Variants in NBEA observed in about 807,000 individuals in gnomAD.
NBEA encodes neurobeachin.
NBEA carries 44 observed loss-of-function variants against 343.4 expected under a neutral mutation model. That is an observed-to-expected ratio of 0.13 (90% CI 0.10 to 0.16). The LOEUF is 0.16. NBEA is among the 10% of genes least tolerant of loss of function. The probability of loss-of-function intolerance (pLI) is 1.00; values close to 1 mark genes in which losing one functional copy is unlikely to be tolerated. For missense variants in NBEA, 2,555 were observed against 3,631.3 expected, an observed-to-expected ratio of 0.70 and a Z score of 7.62; for synonymous variants, 1,175 against 1,238.7, an observed-to-expected ratio of 0.95 and a Z score of 1.08.
At chr13:35,224,723 C>T (rs952459739) in intron 33 of NBEA, among the ~76,000 whole-genome samples, 1 of 151,962 alleles carries the variant, frequency 6.6e-6, no homozygotes, top group Non-Finnish European at 1.5e-5. Flanking sequence ...TTTATAGTTC[C>T]AACATAGGGT....
At chr13:35,254,987 G>A (rs191106525) in intron 34 of NBEA, among the ~76,000 whole-genome samples, 48 of 152,128 alleles carry the variant, frequency 3.2e-4, no homozygotes, top group Admixed American at 1.4e-3. Context: ...AATACAATAA[G>A]ATTAGTTTCT....
At chr13:35,612,412 G>A (rs1027389311) in intron 48 of NBEA, among the ~76,000 whole-genome samples, 1 of 152,104 alleles carries the variant, frequency 6.6e-6, no homozygotes, top group African/African-American at 2.4e-5. Context: ...GATTACAGGC[G>A]TGAGCCACGG....
chr13:35,510,275 TTAAA>T (rs1432372486), intron 41 of NBEA, among the ~76,000 whole-genome samples: 1 of 152,156 alleles, frequency 6.6e-6, no homozygotes, highest in African/African-American at 2.4e-5. Flanking sequence ...TATTCACAAC[TTAAA>T]TAAGTTTAAG....
rs149256441 is a variant in NBEA, at chr13:35,635,685, T to C, written c.7617+7437T>C. Among the ~76,000 whole-genome samples the C allele has an allele frequency of 2.0e-5, 3 of 152,328 alleles. No individual in the cohort carries two copies. In the East Asian group the frequency reaches 5.8e-4, roughly 29 times the overall value. On this transcript the variant is annotated intron_variant, in intron 49 of 58. Transcript: ENST00000379939. ...TATGTGTTTCTCACTGCAAAGGTTT[T>C]CATTGAGAGCCATAAGGCTTGCATT...
At chr13:35,602,017 T>G (rs1401026593) in intron 47 of NBEA, among the ~76,000 whole-genome samples, 1 of 152,056 alleles carries the variant, frequency 6.6e-6, no homozygotes, top group Non-Finnish European at 1.5e-5. Flanking sequence ...AGAAAATATA[T>G]GTAAAGCACT....
intron 40 of NBEA, among the ~76,000 whole-genome samples, chr13:35,463,936 TAGGATAAATGCAGACAGAGACAGTTA>T (rs1350654964): frequency 6.6e-6 from 1 of 151,960 alleles, no homozygotes; most frequent in African/African-American, 2.4e-5. Context: ...AAAAACAGTT[TAGGATAAATGCAGACAGAGACAGTTA>T]AGGATAAATG....
chr13:35,388,769 A>G (rs149289307), intron 38 of NBEA, among the ~76,000 whole-genome samples: 1 of 152,320 alleles, frequency 6.6e-6, no homozygotes, highest in East Asian at 1.9e-4. Context: ...CTCTTAGCAC[A>G]TCTGGGAATA....
At chr13:34,995,553 G>A (rs535040813) in intron 1 of NBEA, among the ~76,000 whole-genome samples, 3 of 152,128 alleles carry the variant, frequency 2.0e-5, no homozygotes, top group Non-Finnish European at 2.9e-5. Flanking sequence ...AACTAGAACA[G>A]GTTCCAAGAA....
intron 33 of NBEA, among the ~76,000 whole-genome samples, chr13:35,230,308 G>A (rs1431545865): frequency 6.6e-6 from 1 of 151,918 alleles, no homozygotes; most frequent in East Asian, 1.9e-4. Context: ...TAATTCTGAA[G>A]CCTCTAAATC....
intron 28 of NBEA, among the ~76,000 whole-genome samples, chr13:35,180,507 A>G (rs1467326268): frequency 6.6e-6 from 1 of 151,432 alleles, no homozygotes; most frequent in East Asian, 1.9e-4. Flanking sequence ...TTTAACTATC[A>G]TTGCTTTCTG....
chr13:35,277,622 CAAAAAAAAAAAA>C (rs10603160), intron 34 of NBEA, among the ~76,000 whole-genome samples: 2 of 49,902 alleles, frequency 4.0e-5, no homozygotes, highest in Non-Finnish European at 7.3e-5. Flanking sequence ...ACTCCGTCTC[CAAAAAAAAAAAA>C]AAAAAAAAAA....
intron 34 of NBEA, among the ~76,000 whole-genome samples, chr13:35,242,809 T>C (rs1380281719): frequency 6.6e-6 from 1 of 151,772 alleles, no homozygotes; most frequent in African/African-American, 2.4e-5. Context: ...CCAGCAAAAC[T>C]GTCCTTTAAA....
intron 36 of NBEA, among the ~76,000 whole-genome samples, chr13:35,347,986 G>T (rs906012608): frequency 6.6e-6 from 1 of 152,074 alleles, no homozygotes; most frequent in East Asian, 1.9e-4. Flanking sequence ...AAGCTGCCTG[G>T]CATCTTATGT....
At chr13:35,497,558 A>G (rs1203514636) in intron 41 of NBEA, among the ~76,000 whole-genome samples, 1 of 152,068 alleles carries the variant, frequency 6.6e-6, no homozygotes, top group Admixed American at 6.6e-5. Flanking sequence ...TTTACCTACA[A>G]GAGATTAATT....
At chr13:35,594,248 C>T (rs1576134) in intron 47 of NBEA, among the ~76,000 whole-genome samples, 34,049 of 151,820 alleles carry the variant, frequency 0.22, 4,003 homozygotes, top group African/African-American at 0.25. Context: ...TCACTCAGTA[C>T]AAAAATGTTA....
chr13:34,945,068 G>A (rs1376006627), intron 1 of NBEA, among the ~76,000 whole-genome samples: 8 of 152,066 alleles, frequency 5.3e-5, no homozygotes, highest in Admixed American at 5.2e-4. Context: ...GTATGCAGAC[G>A]TTATTTTAGA....
chr13:35,004,538 G>T (rs2061251582), intron 1 of NBEA, among the ~76,000 whole-genome samples: 1 of 152,144 alleles, frequency 6.6e-6, no homozygotes, highest in African/African-American at 2.4e-5. Flanking sequence ...ACTGCCTCTT[G>T]ACTAGTTTCT....
Position 35,171,335 on chromosome 13 carries a change from A to G in NBEA, c.4306A>G (p.Ser1436Gly). 1 of 1,612,558 alleles carries G rather than the reference A, an allele frequency of 6.2e-7. No individual in the cohort carries two copies. Residue 1436 changes from serine to glycine, a missense_variant, in exon 26 of 59, where the codon AGC becomes GGC. Physicochemically the swap from Ser to Gly is moderately conservative, Grantham distance 56. Transcript: ENST00000379939. ...AGCTGAGACAGCAGTAACTTTCCTC[A>G]GCCGGCTGATGGCTATGGTTGATGT... Reference protein sequence around the residue: ...MSAETAVTFLSRLMAMVDVLV... With the variant: ...MSAETAVTFLGRLMAMVDVLV...
intron 34 of NBEA, among the ~76,000 whole-genome samples, chr13:35,239,623 T>C (rs557571203): frequency 1.3e-5 from 2 of 152,212 alleles, no homozygotes; most frequent in African/African-American, 4.8e-5. Context: ...GAATTTGAAT[T>C]GGACATTTTC....
Sources: gnomAD v4.1 joint callset for allele counts (sites outside exome capture counted in the v4.1 genomes callset) on GRCh38, gnomAD v4.1.1 for gene constraint, MANE v1.5 for transcripts, NCBI Gene and HGNC (gene_info 2026-07-23, HGNC 2026-07-21) for gene names.